IGFN1: variants seen among roughly 807,000 people sequenced by gnomAD.
IGFN1 encodes immunoglobulin like and fibronectin type III domain containing 1.
Under a neutral mutation model 289.5 loss-of-function variants are expected in IGFN1, and 253 were observed. The ratio of observed to expected loss-of-function variants is 0.87; its 90% confidence interval spans 0.79 to 0.97. IGFN1 has a LOEUF of 0.97. IGFN1 is among the 50% of genes least tolerant of loss of function. The pLI, the probability that IGFN1 is intolerant of heterozygous loss-of-function variation, is 0.00. For synonymous variants in IGFN1, 1,706 were observed against 1,788.5 expected (o/e 0.95, Z 1.16); for missense variants, 4,470 against 4,686.1 (o/e 0.95, Z 1.35).
chr1:201,225,795 G>T (rs1033424878), intron 21 of IGFN1, 29 bp from the exon 22 acceptor site: 1 of 1,584,452 alleles, frequency 6.3e-7, no homozygotes, highest in Non-Finnish European at 8.6e-7. Context: ...TCCCCTCCAC[G>T]TGACCTCCCT....
chr1:201,207,549 A>G lies in IGFN1; in HGVS notation c.2656A>G (p.Arg886Gly). ...LTESGQGVDA[R>G]SHWLSRAPGL... is the part of the protein sequence containing the mutation. Reference sequence around the variant, plus strand: ...GGAGTCTGGTCAGGGGGTGGATGCCAGAAGCCACTGGCTAAGTAGGGCTCC... The same window carrying G: ...GGAGTCTGGTCAGGGGGTGGATGCCGGAAGCCACTGGCTAAGTAGGGCTCC... Residue 886 changes from arginine to glycine, a missense_variant, in exon 12 of 24, where the codon AGA (arginine) becomes GGA (glycine). Transcript: ENST00000335211. The G allele has an allele frequency of 6.5e-7, 1 of 1,536,944 alleles. No individual in the cohort carries two copies. The highest frequency in any genetic ancestry group is 8.7e-7 in the Non-Finnish European group (1 of 1,146,826).
chr1:201,222,875 G>A (rs1170165430), intron 20 of IGFN1, 48 bp downstream of exon 20: 1 of 1,375,522 alleles, frequency 7.3e-7, no homozygotes. Context: ...GAGAGGCCAA[G>A]GGGGCCAGAC....
chr1:201,214,940 G>A lies in IGFN1; in HGVS notation c.8854-73G>A, dbSNP rs531718614. On this transcript the variant is annotated intron_variant, in intron 13 of 23. Coordinates refer to ENST00000335211, the MANE Select transcript of IGFN1 (RefSeq NM_001164586.2). The stretch of plus-strand genomic sequence containing the variant: ...ATCAGGATCCCAGCATCAGTAAAGG[G>A]CTCTGGTTAGCTGGCCTGAAGGAAC... The A allele has an allele frequency of 1.0e-5, 15 of 1,504,762 alleles. No homozygotes were observed. In the African/African-American group the frequency reaches 1.9e-4, roughly 19 times the overall value. 93.2% of individuals were successfully genotyped at this position (1,504,762 alleles called of 1,614,324 possible). A position where few individuals can be genotyped will look rare whatever the true frequency, so the allele number is the denominator to read the frequency against.
At chr1:201,217,180 C>T (rs563193000) in intron 16 of IGFN1, 107 bp from the exon 17 acceptor site, 34 of 957,558 alleles carry the variant, frequency 3.6e-5, no homozygotes, top group African/African-American at 2.8e-4. Context: ...CAGGACAGGG[C>T]GGAGTGTGGC....
At chr1:201,203,599 C>G in intron 9 of IGFN1, 139 bp from the exon 10 acceptor site, 1 of 727,488 alleles carries the variant, frequency 1.4e-6, no homozygotes, top group Non-Finnish European at 2.3e-6. Flanking sequence ...CCCATCCCAG[C>G]TCCTCTATGG....
At position 201,209,020 on chromosome 1, in the gene IGFN1, CAG is replaced by C. The variant is rs1407561929; in HGVS notation, c.4129_4130del (p.Asp1377Ter). ...AGGGAAATCGGGTCAATGGATGAAA[CAG>C]ATAATAGGAAAGATTTGGGGGTTCC... On this transcript the variant is annotated frameshift_variant, in exon 12 of 24. Coordinates refer to ENST00000335211, the MANE Select transcript of IGFN1 (RefSeq NM_001164586.2). LOFTEE classifies it high-confidence loss of function. 2 of 1,535,912 alleles carry C rather than the reference CAG, an allele frequency of 1.3e-6. No individual in the cohort carries two copies. Among genetic ancestry groups the C allele is most frequent in the South Asian group, 2.4e-5 (2 of 83,992 alleles).
At position 201,215,804 on chromosome 1, in the gene IGFN1, C is replaced by T. The variant is rs781506913; in HGVS notation, c.9261C>T (p.Gly3087=). 1.9e-6 allele frequency: 3 copies of T among 1,596,710 alleles called. No homozygotes were observed. The highest frequency in any genetic ancestry group is 3.4e-5 in the Admixed American group (2 of 59,138). Residue 3087 remains glycine (G), a synonymous_variant, in exon 15 of 24, where the codon GGC becomes GGT. Transcript: ENST00000335211. ...GCGTGACACTGAGGAGTGAGGGAGG[C>T]TCTGTGCAGGCCGAGCTCACTCTGC... ...QYSVTLRSEG[G]SVQAELTLQV...
At position 201,200,245 on chromosome 1, in the gene IGFN1, C is replaced by A; in HGVS notation, c.467C>A (p.Pro156Gln). The change falls in exon 8 of 24, where the codon CCA becomes CAA. Residue 156 changes from proline to glutamine, a missense_variant. This residue lies in a region of IGFN1 where 2,011 missense variants were observed against 1,953.4 expected (regional missense o/e 1.03). Coordinates refer to ENST00000335211, the MANE Select transcript of IGFN1 (RefSeq NM_001164586.2). Reference sequence around the variant, plus strand: ...CTAGCCTTGCTCCCCAGGGCCCCACCAGCCCCCAAGAAAAAGATGGACCTT... The same window carrying A: ...CTAGCCTTGCTCCCCAGGGCCCCACAAGCCCCCAAGAAAAAGATGGACCTT... ...FRKLLKKRAP[P>Q]APKKKMDLEQ... 1 of 1,551,554 alleles carries A rather than the reference C, an allele frequency of 6.4e-7. No homozygotes were observed. Among genetic ancestry groups the A allele is most frequent in the African/African-American group, 1.4e-5 (1 of 73,176 alleles).
intron 16 of IGFN1, 137 bp from the exon 17 acceptor site, chr1:201,217,150 G>T: frequency 1.3e-6 from 1 of 744,010 alleles, no homozygotes; most frequent in East Asian, 2.6e-5. Flanking sequence ...AGGGCGGGCT[G>T]CCTCAGCCCC....
chr1:201,194,387 A>T (rs1329722070), intron 3 of IGFN1, 114 bp downstream of exon 3: 1 of 1,159,178 alleles, frequency 8.6e-7, no homozygotes, highest in East Asian at 2.6e-5. Context: ...ATCCATCACT[A>T]GGCCATAGCC....
At chr1:201,214,032 G>A (rs749569353) in intron 12 of IGFN1, 145 bp from the exon 13 acceptor site, 18 of 798,152 alleles carry the variant, frequency 2.3e-5, no homozygotes, top group Non-Finnish European at 3.2e-5. Flanking sequence ...CCAGGGCATT[G>A]GAGCCAAGAT....
At chr1:201,216,235 G>T (rs1042463942) in intron 15 of IGFN1, 2 of 601,072 alleles carry the variant, frequency 3.3e-6, no homozygotes, top group Non-Finnish European at 3.0e-6. Context: ...ACATCCCTGG[G>T]TGCATGTGTG....
chr1:201,194,984 G>A (rs1220264084), intron 3 of IGFN1, among the ~76,000 whole-genome samples: 1 of 152,070 alleles, frequency 6.6e-6, no homozygotes, highest in Non-Finnish European at 1.5e-5. Context: ...CCTTGAGGGC[G>A]GGCAGTTCCC....
chr1:201,210,766 A>G lies in IGFN1; in HGVS notation c.5873A>G (p.Asn1958Ser). The G allele has an allele frequency of 4.6e-6, 7 of 1,529,996 alleles. No homozygotes were observed. Among genetic ancestry groups the G allele is most frequent in the Non-Finnish European group, 6.1e-6 (7 of 1,144,490 alleles). The allele number at this position is 1,529,996 out of a possible 1,614,324, so 94.8% of individuals were successfully genotyped here. A position where few individuals can be genotyped will look rare whatever the true frequency, so the allele number is the denominator to read the frequency against. Residue 1958 changes from asparagine (N) to serine (S), a missense_variant, in exon 12 of 24, where the codon AAT becomes AGT. This residue lies in a region of IGFN1 where 108 missense variants were observed against 128.7 expected (regional missense o/e 0.84). Transcript: ENST00000335211. ...LGGSEEMGSV[N>S]KAGYRKDLGA... ...GGTTCTGAAGAAATGGGGTCAGTGA[A>G]TAAGGCAGGTTATAGGAAGGATTTG...
chr1:201,223,144 T>C (rs1653845578), intron 20 of IGFN1: 1 of 222,180 alleles, frequency 4.5e-6, no homozygotes, highest in African/African-American at 2.3e-5. Context: ...AGTCTGGGAA[T>C]TCAGGGAGCC....
At chr1:201,226,751 A>G in intron 22 of IGFN1, 131 bp from the exon 23 acceptor site, 1 of 718,904 alleles carries the variant, frequency 1.4e-6, no homozygotes. Flanking sequence ...CCAAATTTGC[A>G]GGCAAGATGT....
rs759224856 is a variant in IGFN1, at chr1:201,217,436, G to A, written c.9745G>A (p.Ala3249Thr). The A allele has an allele frequency of 3.4e-5, 55 of 1,614,050 alleles. No homozygotes were observed. The highest frequency in any genetic ancestry group is 4.6e-5 in the Non-Finnish European group (54 of 1,180,018). The stretch of plus-strand genomic sequence containing the variant: ...TAAGAAGGGGAGCAACACCTGGACG[G>A]CAGTGAACGACCAGCCGGTGCCTGG... ...RRKKGSNTWTAVNDQPVPERR... is the reference protein window; with the variant it reads ...RRKKGSNTWTTVNDQPVPERR... Residue 3249 changes from alanine to threonine, a missense_variant, in exon 17 of 24, where the codon GCA becomes ACA. Physicochemically the swap from Ala to Thr is moderately conservative, Grantham distance 58. Coordinates refer to ENST00000335211, the MANE Select transcript of IGFN1 (RefSeq NM_001164586.2).
chr1:201,218,570 G>A lies in IGFN1; in HGVS notation c.9810G>A (p.Gln3270=), dbSNP rs150182399. Residue 3270 remains glutamine (Q), a synonymous_variant, in exon 18 of 24, where the codon CAG becomes CAA. Transcript: ENST00000335211. ...TGGCGGACGTGCGGCAGGGCTGTCA[G>A]TATGAGTTCCGGGTCACAGCTGTGG... ...WTVADVRQGC[Q]YEFRVTAVAP... 12 of 1,613,514 alleles carry A rather than the reference G, an allele frequency of 7.4e-6. No individual in the cohort carries two copies. Among genetic ancestry groups the A allele is most frequent in the Non-Finnish European group, 9.3e-6 (11 of 1,180,004 alleles).
At chr1:201,219,933 C>CTGT (rs1653603397) in intron 18 of IGFN1, among the ~76,000 whole-genome samples, 1 of 76,698 alleles carries the variant, frequency 1.3e-5, no homozygotes, top group South Asian at 6.3e-4. Flanking sequence ...TTTTCTTTCT[C>CTGT]TCTCTCCTTC....
Sources: allele counts gnomAD v4.1 joint callset (sites outside exome capture counted in the v4.1 genomes callset), GRCh38; gene constraint gnomAD v4.1.1; regional missense constraint gnomAD v4.1.1; transcripts MANE v1.5; gene names NCBI Gene and HGNC (gene_info 2026-07-23, HGNC 2026-07-21).